The following SRGAP3 variants were observed in gnomAD, a reference collection of about 807,000 sequenced individuals.
SRGAP3 encodes the protein SLIT-ROBO Rho GTPase activating protein 3.
Under a neutral mutation model 121.1 loss-of-function variants are expected in SRGAP3, and 39 were observed. The observed-to-expected ratio is 0.32, with a 90% confidence interval of 0.25 to 0.42. The LOEUF (loss-of-function observed/expected upper bound fraction) is 0.42. Ranked by LOEUF, SRGAP3 falls within the 10% of genes least tolerant of loss-of-function variation. The probability of loss-of-function intolerance (pLI) is 1.00; values close to 1 mark genes in which losing one functional copy is unlikely to be tolerated. For synonymous variants in SRGAP3, 601 were observed against 570.0 expected (o/e 1.05, Z -0.77); for missense variants, 1,213 against 1,470.6 (o/e 0.82, Z 2.86).
At chr3:8,994,313 A>T (rs775889836) in intron 19 of SRGAP3, 30 bp downstream of exon 19, 3 of 1,613,022 alleles carry the variant, frequency 1.9e-6, no homozygotes, top group Middle Eastern at 1.6e-4. Flanking sequence ...CTATTTCGGC[A>T]TTCTTCACAG....
At chr3:9,346,129 G>A (rs1955886809) in intron 1 of SRGAP3, among the ~76,000 whole-genome samples, 1 of 151,924 alleles carries the variant, frequency 6.6e-6, no homozygotes, top group African/African-American at 2.4e-5. Flanking sequence ...TGGCAATGAT[G>A]CAAATTTCTT....
intron 1 of SRGAP3, among the ~76,000 whole-genome samples, chr3:9,341,885 C>T (rs965596773): frequency 2.6e-5 from 4 of 152,152 alleles, no homozygotes; most frequent in African/African-American, 9.7e-5. Context: ...CTTCACCAGT[C>T]GGTAAGGCCA....
intron 17 of SRGAP3, 70 bp from the exon 18 acceptor site, chr3:9,010,457 A>C: frequency 1.5e-5 from 23 of 1,581,756 alleles, no homozygotes; most frequent in Non-Finnish European, 1.9e-5. Context: ...TCAGCCTCTC[A>C]TGCCAGTCCA....
intron 1 of SRGAP3, among the ~76,000 whole-genome samples, chr3:9,181,205 T>C (rs1372822718): frequency 6.6e-6 from 1 of 152,194 alleles, no homozygotes; most frequent in Non-Finnish European, 1.5e-5. Context: ...TGTCACGTGC[T>C]GCACAGGTGG....
At chr3:9,067,361 T>C (rs749550372) in intron 4 of SRGAP3, among the ~76,000 whole-genome samples, 1 of 152,152 alleles carries the variant, frequency 6.6e-6, no homozygotes, top group Admixed American at 6.5e-5. Flanking sequence ...CTTTTCTTCA[T>C]GGGTCTTGGT....
At chr3:9,039,858 C>T (rs1427424007) in intron 10 of SRGAP3, among the ~76,000 whole-genome samples, 2 of 152,198 alleles carry the variant, frequency 1.3e-5, no homozygotes, top group South Asian at 2.1e-4. Context: ...TATGCACAGA[C>T]CACATTTTCT....
intron 17 of SRGAP3, among the ~76,000 whole-genome samples, chr3:9,011,738 C>T (rs1332038140): frequency 6.6e-6 from 1 of 152,316 alleles, no homozygotes; most frequent in East Asian, 1.9e-4. Flanking sequence ...CAGCCCACAA[C>T]AGATGATTGG....
At chr3:9,201,739 C>T (rs991702553) in intron 1 of SRGAP3, among the ~76,000 whole-genome samples, 1 of 152,212 alleles carries the variant, frequency 6.6e-6, no homozygotes, top group African/African-American at 2.4e-5. Flanking sequence ...GCATGTAACA[C>T]TCAAGGAGAC....
intron 1 of SRGAP3, among the ~76,000 whole-genome samples, chr3:9,136,209 G>A (rs1056609848): frequency 6.6e-6 from 1 of 152,138 alleles, no homozygotes; most frequent in Non-Finnish European, 1.5e-5. Context: ...CAAAAGACTC[G>A]TGCGCTGCCC....
chr3:9,303,078 T>C (rs1162354147), intron 3 of SRGAP3, among the ~76,000 whole-genome samples: 1 of 150,190 alleles, frequency 6.7e-6, no homozygotes, highest in Non-Finnish European at 1.5e-5. Context: ...TTTTCTTACT[T>C]ATATTTTTTC....
At chr3:9,006,337 C>CTGCAGT (rs1433052393) in intron 18 of SRGAP3, among the ~76,000 whole-genome samples, 1 of 149,042 alleles carries the variant, frequency 6.7e-6, no homozygotes, top group African/African-American at 2.5e-5. Flanking sequence ...GAGTCGGAGG[C>CTGCAGT]TGCAGTGAGC....
intron 1 of SRGAP3, among the ~76,000 whole-genome samples, chr3:9,142,983 A>C (rs1949910513): frequency 6.6e-6 from 1 of 151,670 alleles, no homozygotes; most frequent in South Asian, 2.1e-4. Context: ...GACTATAGGC[A>C]TGCACCACCA....
intron 1 of SRGAP3, among the ~76,000 whole-genome samples, chr3:9,129,734 A>C (rs1949370682): frequency 6.6e-6 from 1 of 151,768 alleles, no homozygotes; most frequent in Non-Finnish European, 1.5e-5. Flanking sequence ...GGTCATCAGG[A>C]TATCAATATC....
chr3:9,332,063 T>C (rs1337790039), intron 1 of SRGAP3, among the ~76,000 whole-genome samples: 1 of 152,212 alleles, frequency 6.6e-6, no homozygotes, highest in Non-Finnish European at 1.5e-5. Context: ...GCTGGGCCAA[T>C]GCTACGAAGA....
intron 5 of SRGAP3, among the ~76,000 whole-genome samples, chr3:9,063,869 A>G (rs1018604322): frequency 6.6e-6 from 1 of 152,188 alleles, no homozygotes; most frequent in East Asian, 1.9e-4. Flanking sequence ...CTTTTCCAGA[A>G]TCAATACACA....
At chr3:9,143,413 C>T (rs964916277) in intron 1 of SRGAP3, among the ~76,000 whole-genome samples, 5 of 152,162 alleles carry the variant, frequency 3.3e-5, no homozygotes, top group African/African-American at 1.2e-4. Flanking sequence ...CTGTTCCCTT[C>T]GCTTTGACTC....
chr3:9,041,484 G>A (rs998661248), intron 10 of SRGAP3, among the ~76,000 whole-genome samples: 27 of 152,226 alleles, frequency 1.8e-4, no homozygotes, highest in African/African-American at 5.8e-4. Context: ...AAACTGTACT[G>A]AAAACAAAGA....
intron 1 of SRGAP3, among the ~76,000 whole-genome samples, chr3:9,331,312 T>C: frequency 6.6e-6 from 1 of 152,236 alleles, no homozygotes; most frequent in East Asian, 1.9e-4. Context: ...ACAATTTATG[T>C]AAGAGGCACT....
chr3:9,044,683 C>T (rs560113417), intron 10 of SRGAP3, among the ~76,000 whole-genome samples: 117 of 152,298 alleles, frequency 7.7e-4, no homozygotes, highest in Non-Finnish European at 1.2e-3. Flanking sequence ...AGGCCACTGA[C>T]GCAGCTGTAA....
Sources: allele counts gnomAD v4.1 joint callset (sites outside exome capture counted in the v4.1 genomes callset), GRCh38; gene constraint gnomAD v4.1.1; transcripts MANE v1.5; gene names NCBI Gene and HGNC (gene_info 2026-07-23, HGNC 2026-07-21).